Variants in IQCB1 observed in about 807,000 individuals in gnomAD.
The protein encoded by IQCB1 is IQ motif containing B1, also known as IQ calmodulin-binding motif-containing protein 1.
Under a neutral mutation model 84.4 loss-of-function variants are expected in IQCB1, and 56 were observed. The ratio of observed to expected loss-of-function variants is 0.66; its 90% CI spans 0.54 to 0.83. IQCB1 has a LOEUF of 0.83. Among genes scored for constraint, IQCB1 ranks in the 40% least tolerant of loss-of-function variants. The pLI, the probability that IQCB1 is intolerant of heterozygous loss-of-function variation, is 0.00. For synonymous variants in IQCB1, 210 were observed against 234.8 expected (o/e 0.89, Z 0.96); for missense variants, 629 against 682.1 (o/e 0.92, Z 0.87).
chr3:121,808,117 T>C (rs1443375996), intron 6 of IQCB1, among the ~76,000 whole-genome samples: 1 of 151,990 alleles, frequency 6.6e-6, no homozygotes, highest in Non-Finnish European at 1.5e-5. Flanking sequence ...GCTCAATAAC[T>C]GAGCATAACT....
chr3:121,811,341 T>C (rs1424066151), intron 5 of IQCB1, among the ~76,000 whole-genome samples: 2 of 152,196 alleles, frequency 1.3e-5, no homozygotes, highest in African/African-American at 4.8e-5. Flanking sequence ...ACTGGTCAGC[T>C]GTTTGGGCAG....
intron 6 of IQCB1, 45 bp from the exon 7 acceptor site, chr3:121,807,488 T>G (rs772032900): frequency 1.0e-6 from 1 of 988,762 alleles, no homozygotes; most frequent in South Asian, 1.3e-5. Context: ...AAAGATTTTA[T>G]GATAACAAAG....
intron 7 of IQCB1, among the ~76,000 whole-genome samples, chr3:121,800,482 A>C (rs1031943146): frequency 6.6e-5 from 10 of 151,944 alleles, no homozygotes; most frequent in African/African-American, 2.4e-4. Context: ...AAAGTTATCC[A>C]ATCAAAATAT....
chr3:121,774,881 T>C (rs1948159205), intron 13 of IQCB1, among the ~76,000 whole-genome samples: 1 of 152,216 alleles, frequency 6.6e-6, no homozygotes, highest in African/African-American at 2.4e-5. Flanking sequence ...TTAAACATAG[T>C]TAAAATGGTA....
chr3:121,795,095 C>G (rs1949126920), intron 10 of IQCB1, among the ~76,000 whole-genome samples: 1 of 152,088 alleles, frequency 6.6e-6, no homozygotes, highest in Admixed American at 6.5e-5. Context: ...GGTTAACAGA[C>G]TTAAACTCTT....
intron 5 of IQCB1, among the ~76,000 whole-genome samples, chr3:121,823,072 CAT>C (rs1164710548): frequency 2.0e-5 from 3 of 151,924 alleles, no homozygotes; most frequent in African/African-American, 4.8e-5. Context: ...AAATAAAAAT[CAT>C]AGAACAATAC....
At chr3:121,776,281 G>A (rs1948223899) in intron 13 of IQCB1, among the ~76,000 whole-genome samples, 1 of 152,088 alleles carries the variant, frequency 6.6e-6, no homozygotes, top group Non-Finnish European at 1.5e-5. Context: ...ATGCTGAATG[G>A]TACTCCATGG....
At chr3:121,771,107 G>T (rs1388915824) in intron 14 of IQCB1, among the ~76,000 whole-genome samples, 1 of 152,052 alleles carries the variant, frequency 6.6e-6, no homozygotes, top group East Asian at 1.9e-4. Flanking sequence ...GAGTAGCTGG[G>T]ATTACAGGCG....
chr3:121,784,772 C>T (rs1948640072), intron 12 of IQCB1, among the ~76,000 whole-genome samples: 1 of 152,078 alleles, frequency 6.6e-6, no homozygotes, highest in Non-Finnish European at 1.5e-5. Context: ...GCCTCAACCT[C>T]CTGGGCTCAA....
chr3:121,807,516 C>T, intron 6 of IQCB1, 73 bp from the exon 7 acceptor site: 3 of 791,778 alleles, frequency 3.8e-6, no homozygotes, highest in Non-Finnish European at 6.6e-6. Context: ...TTGTTCTTTT[C>T]AAACCAAATC....
At chr3:121,801,140 C>G (rs542866104) in intron 7 of IQCB1, among the ~76,000 whole-genome samples, 1 of 152,028 alleles carries the variant, frequency 6.6e-6, no homozygotes, top group South Asian at 2.1e-4. Flanking sequence ...ATTTTCAAGC[C>G]ATTTATTTTC....
At chr3:121,784,564 T>A (rs1948633241) in intron 12 of IQCB1, among the ~76,000 whole-genome samples, 1 of 152,206 alleles carries the variant, frequency 6.6e-6, no homozygotes. Flanking sequence ...TATCAAATAG[T>A]TTTATTCCAT....
intron 5 of IQCB1, among the ~76,000 whole-genome samples, chr3:121,809,429 C>A (rs1949739594): frequency 6.6e-6 from 1 of 151,936 alleles, no homozygotes; most frequent in African/African-American, 2.4e-5. Flanking sequence ...GGTTTTACAA[C>A]TTGGGTGAAA....
At chr3:121,830,224 T>TA (rs1559806116) in intron 2 of IQCB1, among the ~76,000 whole-genome samples, 1 of 68,786 alleles carries the variant, frequency 1.5e-5, no homozygotes, top group African/African-American at 5.3e-5. Flanking sequence ...TAATAATAAT[T>TA]AATAAATAAG....
intron 9 of IQCB1, 83 bp downstream of exon 9, chr3:121,797,035 G>T: frequency 1.3e-6 from 1 of 796,610 alleles, no homozygotes; most frequent in Non-Finnish European, 2.2e-6. Context: ...TTAAGAGAAA[G>T]AAAGTGAGGA....
intron 7 of IQCB1, among the ~76,000 whole-genome samples, chr3:121,802,300 AT>A (rs140772065): frequency 2.0e-4 from 31 of 151,634 alleles, no homozygotes; most frequent in African/African-American, 6.8e-4. Flanking sequence ...TACAAATTCA[AT>A]TTTTTTTTAT....
At chr3:121,816,276 G>A (rs894751056) in intron 5 of IQCB1, among the ~76,000 whole-genome samples, 2 of 152,038 alleles carry the variant, frequency 1.3e-5, no homozygotes, top group Non-Finnish European at 2.9e-5. Flanking sequence ...AACTCAAGAT[G>A]GATTAAAGAC....
chr3:121,831,177 G>GTCTTTTTTTTT (rs1553723592), intron 2 of IQCB1, among the ~76,000 whole-genome samples: 1 of 59,864 alleles, frequency 1.7e-5, no homozygotes, highest in Non-Finnish European at 3.4e-5. Flanking sequence ...TTGTATCCTA[G>GTCTTTTTTTTT]TATTTTTTTT....
chr3:121,791,739 T>G (rs1286101308), intron 10 of IQCB1, among the ~76,000 whole-genome samples: 1 of 152,206 alleles, frequency 6.6e-6, no homozygotes, highest in South Asian at 2.1e-4. Context: ...TACCCATTCA[T>G]AGAGGGTAAA....
Sources: gnomAD v4.1 joint callset for allele counts (sites outside exome capture counted in the v4.1 genomes callset) on GRCh38, gnomAD v4.1.1 for gene constraint, MANE v1.5 for transcripts, NCBI Gene and HGNC (gene_info 2026-07-23, HGNC 2026-07-21) for gene names.